Variants in GSG1L observed in about 807,000 individuals in gnomAD.
GSG1L encodes germ cell-specific gene 1-like protein.
GSG1L carries 24 observed loss-of-function variants against 42.1 expected under a neutral mutation model. That is an observed-to-expected ratio of 0.57 (90% confidence interval 0.41 to 0.80). The LOEUF is 0.80. Among genes scored for constraint, GSG1L ranks in the 30% least tolerant of loss-of-function variants. GSG1L has a pLI of 0.00. For synonymous variants in GSG1L, 215 were observed against 203.5 expected (o/e 1.06, Z -0.48); for missense variants, 445 against 472.2 (o/e 0.94, Z 0.53).
intron 5 of GSG1L, among the ~76,000 whole-genome samples, chr16:27,808,514 G>T (rs1443548323): frequency 1.3e-5 from 2 of 151,768 alleles, no homozygotes; most frequent in African/African-American, 4.8e-5. Context: ...CACCTCCCAG[G>T]CTCAAGCGAT....
At chr16:27,930,646 C>T (rs2084645874) in intron 2 of GSG1L, among the ~76,000 whole-genome samples, 2 of 152,210 alleles carry the variant, frequency 1.3e-5, no homozygotes, top group South Asian at 4.1e-4. Context: ...TCAAGGTAGA[C>T]ATTGTCCCTG....
At chr16:27,920,873 A>T (rs1451788458) in intron 2 of GSG1L, among the ~76,000 whole-genome samples, 1 of 152,216 alleles carries the variant, frequency 6.6e-6, no homozygotes, top group East Asian at 1.9e-4. Flanking sequence ...GGCCAAGAGC[A>T]GAGAATGCAG....
At chr16:27,986,969 C>G (rs955796959) in intron 1 of GSG1L, among the ~76,000 whole-genome samples, 2 of 152,216 alleles carry the variant, frequency 1.3e-5, no homozygotes, top group African/African-American at 4.8e-5. Flanking sequence ...GTAATCCCAG[C>G]ACTTTGGGAG....
chr16:27,882,365 T>C (rs1425910274), intron 3 of GSG1L, among the ~76,000 whole-genome samples: 1 of 152,138 alleles, frequency 6.6e-6, no homozygotes, highest in Admixed American at 6.5e-5. Context: ...AATGGACTGA[T>C]ACAATCCCCA....
chr16:28,063,379 TC>T lies in GSG1L; in HGVS notation c.45del (p.Asn16ThrfsTer177). The T allele has an allele frequency of 7.2e-7, 1 of 1,389,212 alleles. No individual in the cohort carries two copies. Among genetic ancestry groups the T allele is most frequent in the Non-Finnish European group, 9.4e-7 (1 of 1,063,220 alleles). 86.1% of individuals were successfully genotyped at this position (1,389,212 alleles called of 1,614,324 possible). A position where few individuals can be genotyped will look rare whatever the true frequency, so the allele number is the denominator to read the frequency against. On this transcript the variant is annotated frameshift_variant, in exon 1 of 7. Coordinates refer to ENST00000447459, the MANE Select transcript of GSG1L (RefSeq NM_001109763.2). LOFTEE classifies it high-confidence loss of function. This position sits in a 1 kb window ranked among gnomAD's most constrained non-coding sequence, Gnocchi z 5.8. ...RRGRALLAVA[L>X]NLLALLFATT... ...GTGGCGAACAGCAGCGCCAGCAGGT[TC>T]AGGGCCACGGCCAGGAGCGCTCGGC...
chr16:27,884,386 T>C lies in GSG1L; in HGVS notation c.550+100A>G. 2 of 1,119,110 alleles carry C rather than the reference T, an allele frequency of 1.8e-6. No homozygotes were observed. The highest frequency in any genetic ancestry group is 4.2e-4 in the Middle Eastern group (2 of 4,720). 69.3% of individuals were successfully genotyped at this position (1,119,110 alleles called of 1,614,324 possible). ...CTGAGGCTCACAGAAGAGAAGCAAT[T>C]TGTCCAATGCCTCCCGGTTGGTACA... On this transcript the variant is annotated intron_variant, in intron 3 of 6. Transcript: ENST00000447459. This position sits in a 1 kb window ranked among gnomAD's most constrained non-coding sequence, Gnocchi z 4.4.
At chr16:28,029,312 C>T (rs2085931141) in intron 1 of GSG1L, among the ~76,000 whole-genome samples, 1 of 152,230 alleles carries the variant, frequency 6.6e-6, no homozygotes, top group Non-Finnish European at 1.5e-5. Context: ...TCAGCAGCAT[C>T]AAGTAAACTG....
intron 1 of GSG1L, among the ~76,000 whole-genome samples, chr16:28,033,945 T>C (rs141540022): frequency 0.013 from 1,902 of 152,008 alleles, 22 homozygotes; most frequent in Non-Finnish European, 0.021. Flanking sequence ...TTCAAGGGAG[T>C]CCACAGCGCA....
At chr16:27,797,626 T>A (rs1226381088) in intron 6 of GSG1L, among the ~76,000 whole-genome samples, 1 of 150,130 alleles carries the variant, frequency 6.7e-6, no homozygotes, top group African/African-American at 2.5e-5. Flanking sequence ...ATCGAGACCA[T>A]CCTGGCTAAC....
intron 2 of GSG1L, among the ~76,000 whole-genome samples, chr16:27,958,411 T>TAAAA (rs767157230): frequency 3.9e-4 from 46 of 117,540 alleles, no homozygotes; most frequent in East Asian, 2.7e-3. Context: ...AGACTCCATC[T>TAAAA]AAAAAAAAAA....
Position 28,044,658 on chromosome 16 carries a change from C to G in GSG1L, c.349+18418G>C, listed in dbSNP as rs572175938. Among the ~76,000 whole-genome samples the G allele has an allele frequency of 5.8e-3, 867 of 148,694 alleles. 5 individuals are homozygous for G. The highest frequency in any genetic ancestry group is 0.019 in the African/African-American group (774 of 40,036). On this transcript the variant is annotated intron_variant, in intron 1 of 6. Transcript: ENST00000447459. ...TTTTTTTTTGAGGCAGAGTCTCCCT[C>G]TGTCACTCAGGCTGAAGTGCAGTGG...
At chr16:27,948,181 G>T (rs1304244196) in intron 2 of GSG1L, among the ~76,000 whole-genome samples, 2 of 152,148 alleles carry the variant, frequency 1.3e-5, no homozygotes, top group Admixed American at 6.5e-5. Context: ...CCCCTACCCA[G>T]GTTCAGAGCC....
chr16:27,931,825 A>G (rs2141073341), intron 2 of GSG1L, among the ~76,000 whole-genome samples: 1 of 152,328 alleles, frequency 6.6e-6, no homozygotes. Context: ...AGACAGGCAC[A>G]GGAGGAGCGC....
chr16:27,902,226 C>A (rs1475135971), intron 2 of GSG1L, among the ~76,000 whole-genome samples: 1 of 152,152 alleles, frequency 6.6e-6, no homozygotes, highest in Non-Finnish European at 1.5e-5. Context: ...AGAAATGCCA[C>A]CAGCCAGGAG....
rs552159424 is a variant in GSG1L, at chr16:27,816,054, A to G, written c.831-8500T>C. On this transcript the variant is annotated intron_variant, in intron 5 of 6. Coordinates refer to ENST00000447459, the MANE Select transcript of GSG1L (RefSeq NM_001109763.2). ...TGGTGCTTGCCATTATTATCACCAT[A>G]TTATTGTTACTGTTGTCACCATTGT... Among the ~76,000 whole-genome samples the G allele has an allele frequency of 6.6e-5, 10 of 152,272 alleles. No homozygotes were observed. The South Asian group carries it at 2.1e-3, about 32-fold the overall frequency.
intron 1 of GSG1L, among the ~76,000 whole-genome samples, chr16:27,983,189 G>T (rs1219990218): frequency 6.6e-6 from 1 of 152,070 alleles, no homozygotes; most frequent in Non-Finnish European, 1.5e-5. Flanking sequence ...ACAAAAATTA[G>T]CTGGGCATGG....
In GSG1L at chr16:27,995,769, C is replaced by A. The variant is rs553127054; in HGVS notation, c.350-32566G>T. Among the ~76,000 whole-genome samples, 87 of 152,172 alleles carry A rather than the reference C, an allele frequency of 5.7e-4. 1 individual carries two copies. The highest frequency in any genetic ancestry group is 1.2e-3 in the South Asian group (6 of 4,812). ...TCAAGCAATTCTCCCACCTCAGCCT[C>A]CCAAGTAGCTGGGATTACAGGCGTG... On this transcript the variant is annotated intron_variant, in intron 1 of 6. Transcript: ENST00000447459.
At chr16:27,814,703 A>G (rs2083074448) in intron 5 of GSG1L, among the ~76,000 whole-genome samples, 1 of 151,430 alleles carries the variant, frequency 6.6e-6, no homozygotes, top group African/African-American at 2.4e-5. Flanking sequence ...AAAAAAAAAA[A>G]AAAAGGAAGG....
At chr16:27,939,816 C>A (rs1033555501) in intron 2 of GSG1L, among the ~76,000 whole-genome samples, 6 of 152,146 alleles carry the variant, frequency 3.9e-5, no homozygotes, top group Admixed American at 3.3e-4. Context: ...TGCATGCCAC[C>A]ATGCCAGGCT....
Sources: gnomAD v4.1 joint callset for allele counts (sites outside exome capture counted in the v4.1 genomes callset) on GRCh38, gnomAD v4.1.1 for gene constraint, Gnocchi (gnomAD v3.1) non-coding constraint, MANE v1.5 for transcripts, NCBI Gene and HGNC (gene_info 2026-07-23, HGNC 2026-07-21) for gene names.